NRXN2: variants seen among roughly 807,000 people sequenced by gnomAD.
NRXN2 encodes neurexin 2.
NRXN2 carries 29 observed loss-of-function variants against 128.8 expected under a neutral mutation model. The observed-to-expected ratio is 0.23, with a 90% CI of 0.17 to 0.31. NRXN2 has a LOEUF of 0.31. Among genes scored for constraint, NRXN2 ranks in the 10% least tolerant of loss-of-function variants. The pLI is 1.00. For missense variants in NRXN2, 1,881 were observed against 2,452.6 expected, an observed-to-expected ratio of 0.77 and a Z score of 4.92; for synonymous variants, 1,098 against 1,075.2, an observed-to-expected ratio of 1.02 and a Z score of -0.41.
intron 1 of NRXN2, among the ~76,000 whole-genome samples, chr11:64,720,521 T>C (rs1485167805): frequency 1.3e-5 from 2 of 149,686 alleles, no homozygotes; most frequent in African/African-American, 2.5e-5. Context: ...CAGGTGTAGG[T>C]GGGGGCTGGA....
intron 7 of NRXN2, among the ~76,000 whole-genome samples, chr11:64,673,033 C>T (rs2050831451): frequency 6.6e-6 from 1 of 152,112 alleles, no homozygotes; most frequent in South Asian, 2.1e-4. Context: ...CCCATTTCTT[C>T]CAGGCTTACT....
intron 19 of NRXN2, among the ~76,000 whole-genome samples, chr11:64,627,644 G>C (rs186118667): frequency 2.1e-3 from 323 of 152,256 alleles, no homozygotes; most frequent in Non-Finnish European, 3.6e-3. Context: ...GAAAGGGAAT[G>C]TGTGTGAATG....
At chr11:64,643,048 G>A (rs2045987222) in intron 17 of NRXN2, 1 of 997,610 alleles carries the variant, frequency 1.0e-6, no homozygotes, top group African/African-American at 1.7e-5. Flanking sequence ...CGAGGAGCTA[G>A]GGGTCTCTCT....
intron 9 of NRXN2, chr11:64,661,391 T>C (rs1195532757): frequency 2.1e-6 from 3 of 1,403,520 alleles, no homozygotes; most frequent in Non-Finnish European, 2.8e-6. Flanking sequence ...TGTGGGCCTC[T>C]GTCCATACCC....
At chr11:64,715,395 A>G (rs889896998) in intron 1 of NRXN2, among the ~76,000 whole-genome samples, 2 of 152,164 alleles carry the variant, frequency 1.3e-5, no homozygotes, top group African/African-American at 4.8e-5. Flanking sequence ...CAGGATAGCC[A>G]CAGGTGTAGC....
intron 11 of NRXN2, among the ~76,000 whole-genome samples, chr11:64,654,889 T>C (rs1362225340): frequency 6.6e-6 from 1 of 152,098 alleles, no homozygotes; most frequent in Non-Finnish European, 1.5e-5. Flanking sequence ...AGCACTTCTC[T>C]CCATGCCTCA....
chr11:64,690,695 A>G (rs2053690144), intron 4 of NRXN2, among the ~76,000 whole-genome samples: 2 of 152,030 alleles, frequency 1.3e-5, no homozygotes, highest in South Asian at 4.1e-4. Context: ...CAGATTCATG[A>G]TCACCGACTT....
At chr11:64,683,836 CCAGGAA>C (rs1207511645) in intron 6 of NRXN2, among the ~76,000 whole-genome samples, 1 of 152,068 alleles carries the variant, frequency 6.6e-6, no homozygotes, top group Non-Finnish European at 1.5e-5. Context: ...TCCGGGAACC[CCAGGAA>C]GAAGCAGCCG....
At chr11:64,692,797 G>T (rs766988083) in intron 4 of NRXN2, 50 bp downstream of exon 4, 6 of 1,610,212 alleles carry the variant, frequency 3.7e-6, no homozygotes, top group Non-Finnish European at 5.1e-6. Context: ...AAATCCAGGC[G>T]CAGGTTGGGG....
At chr11:64,702,672 G>C (rs1354454094) in intron 2 of NRXN2, among the ~76,000 whole-genome samples, 1 of 151,366 alleles carries the variant, frequency 6.6e-6, no homozygotes, top group Non-Finnish European at 1.5e-5. Context: ...GCGGAAGGCC[G>C]CAGGGTCCTC....
intron 21 of NRXN2, 124 bp from the exon 22 acceptor site, chr11:64,620,496 CTG>C: frequency 3.9e-6 from 3 of 762,312 alleles, no homozygotes; most frequent in Non-Finnish European, 6.8e-6. Flanking sequence ...CCAGACTGGT[CTG>C]AGTCCCAGCC....
In NRXN2 at chr11:64,635,318, G is replaced by A. The variant is rs1026176052; in HGVS notation, c.3538C>T (p.Arg1180Trp). 4 of 1,613,330 alleles carry A rather than the reference G, an allele frequency of 2.5e-6. No homozygotes were observed. The highest frequency in any genetic ancestry group is 1.7e-5 in the Admixed American group (1 of 60,000). Reference sequence around the variant, plus strand: ...CCAAGGCCGGAGGCGCTGTCCACCCGCACCAGCACAGCGCTCCGCTGGTGG... The same window carrying A: ...CCAAGGCCGGAGGCGCTGTCCACCCACACCAGCACAGCGCTCCGCTGGTGG... ...STHQRSAVLV[R>W]VDSASGLGDY... Residue 1180 changes from arginine to tryptophan, a missense_variant, in exon 18 of 23, where the codon CGG becomes TGG. Physicochemically the swap from Arg to Trp is moderately radical, Grantham distance 101. Transcript: ENST00000265459. The surrounding 1 kb of genome is among the most constrained non-coding windows in gnomAD (Gnocchi z 4.8).
intron 6 of NRXN2, among the ~76,000 whole-genome samples, chr11:64,677,617 G>C (rs2051532739): frequency 6.6e-6 from 1 of 152,218 alleles, no homozygotes; most frequent in Non-Finnish European, 1.5e-5. Flanking sequence ...CAGAGGGTGA[G>C]AGAGGGAAGG....
At chr11:64,696,337 C>T (rs2054517031) in intron 3 of NRXN2, among the ~76,000 whole-genome samples, 2 of 152,180 alleles carry the variant, frequency 1.3e-5, no homozygotes, top group South Asian at 2.1e-4. Context: ...TGATGCTCTA[C>T]ATAGGCATAC....
chr11:64,713,400 C>T lies in NRXN2; in HGVS notation c.300G>A (p.Thr100=), dbSNP rs2057135972. The T allele has an allele frequency of 1.3e-6, 2 of 1,483,278 alleles. No individual in the cohort carries two copies. The allele number at this position is 1,483,278 out of a possible 1,614,324, so 91.9% of individuals were successfully genotyped here. A position where few individuals can be genotyped will look rare whatever the true frequency, so the allele number is the denominator to read the frequency against. ...CGGCCACCGGCGTGTCCAGCTGCAGCGTGGCCGGCTCGGCGCACGAAAGCG... is the reference window on the plus strand; with the variant it reads ...CGGCCACCGGCGTGTCCAGCTGCAGTGTGGCCGGCTCGGCGCACGAAAGCG... ...RFTLSCAEPA[T]LQLDTPVADD... is the part of the protein sequence containing the mutation. Residue 100 remains threonine, a synonymous_variant, in exon 2 of 23, where the codon ACG becomes ACA. Coordinates refer to ENST00000265459, the MANE Select transcript of NRXN2 (RefSeq NM_015080.4).
At chr11:64,677,814 TA>T (rs1228097881) in intron 6 of NRXN2, among the ~76,000 whole-genome samples, 3 of 152,130 alleles carry the variant, frequency 2.0e-5, no homozygotes, top group Non-Finnish European at 4.4e-5. Context: ...GAGAACTGGC[TA>T]AAGAGCAAGT....
At chr11:64,707,674 T>C (rs539526887) in intron 2 of NRXN2, among the ~76,000 whole-genome samples, 1 of 152,364 alleles carries the variant, frequency 6.6e-6, no homozygotes, top group South Asian at 2.1e-4. Context: ...CATTATTATC[T>C]TCATTTATAG....
At position 64,635,280 on chromosome 11, in the gene NRXN2, C is replaced by T; in HGVS notation, c.3576G>A (p.Gln1192=). 1 of 1,612,728 alleles carries T rather than the reference C, an allele frequency of 6.2e-7. No homozygotes were observed. The highest frequency in any genetic ancestry group is 8.5e-7 in the Non-Finnish European group (1 of 1,179,930). Residue 1192 remains glutamine, a synonymous_variant, in exon 18 of 23, where the codon CAG becomes CAA. Coordinates refer to ENST00000265459, the MANE Select transcript of NRXN2 (RefSeq NM_015080.4). This position sits in a 1 kb window ranked among gnomAD's most constrained non-coding sequence, Gnocchi z 4.8. The part of the protein sequence containing the change: ...DSASGLGDYL[Q]LHIDQGTVGV... The stretch of plus-strand genomic sequence containing the variant: ...GGCCCAGGGTCCTTACGATGTGCAG[C>T]TGCAGGTAGTCTCCAAGGCCGGAGG...
intron 22 of NRXN2, among the ~76,000 whole-genome samples, chr11:64,616,029 G>A (rs1313007357): frequency 2.0e-5 from 3 of 152,174 alleles, no homozygotes; most frequent in Admixed American, 1.3e-4. Context: ...CACATTGACT[G>A]TGCATGGAAG....
Sources: gnomAD v4.1 joint callset for allele counts (sites outside exome capture counted in the v4.1 genomes callset) on GRCh38, gnomAD v4.1.1 for gene constraint, Gnocchi (gnomAD v3.1) non-coding constraint, MANE v1.5 for transcripts, NCBI Gene and HGNC (gene_info 2026-07-23, HGNC 2026-07-21) for gene names.